The following PAK1 variants were observed in gnomAD, a reference collection of about 807,000 sequenced individuals.
PAK1 encodes the protein p21 (RAC1) activated kinase 1.
PAK1 carries 29 observed loss-of-function variants against 67.4 expected under a neutral mutation model. That is an observed-to-expected ratio of 0.43 (90% CI 0.32 to 0.59). The LOEUF (loss-of-function observed/expected upper bound fraction) is 0.59. Ranked by LOEUF, PAK1 falls within the 20% of genes least tolerant of loss-of-function variation. PAK1 has a pLI of 0.07. For missense variants in PAK1, 337 were observed against 670.7 expected, an observed-to-expected ratio of 0.50 and a Z score of 5.50; for synonymous variants, 223 against 237.4, an observed-to-expected ratio of 0.94 and a Z score of 0.56.
chr11:77,411,827 C>T (rs1451078515), intron 1 of PAK1: 1 of 152,380 alleles, frequency 6.6e-6, no homozygotes, highest in Non-Finnish European at 1.5e-5. Context: ...GTCGCAGAGC[C>T]GCACCTCTCC....
intron 4 of PAK1, among the ~76,000 whole-genome samples, chr11:77,376,034 T>A (rs1187749031): frequency 6.6e-6 from 1 of 152,204 alleles, no homozygotes; most frequent in African/African-American, 2.4e-5. Flanking sequence ...CAGGATATAC[T>A]TTAAACATAA....
intron 1 of PAK1, among the ~76,000 whole-genome samples, chr11:77,400,227 A>C (rs1055393689): frequency 2.0e-5 from 3 of 152,162 alleles, no homozygotes; most frequent in Non-Finnish European, 2.9e-5. Flanking sequence ...AGAATAACAT[A>C]AATGTGAGAG....
At chr11:77,509,685 G>A in the PAK1 span, among the ~76,000 whole-genome samples, 1 of 152,184 alleles carries the variant, frequency 6.6e-6, no homozygotes, top group African/African-American at 2.4e-5. Flanking sequence ...CGCTGTCTTT[G>A]TGATCGTGAA....
chr11:77,378,998 C>G (rs1394978946), intron 4 of PAK1, among the ~76,000 whole-genome samples: 1 of 152,120 alleles, frequency 6.6e-6, no homozygotes, highest in East Asian at 1.9e-4. Context: ...AGCATAAAAC[C>G]TGTGTTCTCT....
chr11:77,403,334 A>G (rs937762542), intron 1 of PAK1, among the ~76,000 whole-genome samples: 4 of 152,288 alleles, frequency 2.6e-5, no homozygotes, highest in African/African-American at 9.6e-5. Flanking sequence ...TGACTTCAAC[A>G]GCCACAATGA....
chr11:77,342,974 A>G (rs1943856291), intron 10 of PAK1, among the ~76,000 whole-genome samples: 1 of 151,958 alleles, frequency 6.6e-6, no homozygotes, highest in African/African-American at 2.4e-5. Flanking sequence ...AATTCAAAAC[A>G]CTGCTTTGCT....
intron 5 of PAK1, among the ~76,000 whole-genome samples, chr11:77,362,307 A>C (rs1260879916): frequency 6.6e-6 from 1 of 152,198 alleles, no homozygotes; most frequent in Non-Finnish European, 1.5e-5. Context: ...TTGTTCTTCT[A>C]GTGACAGATC....
intron 1 of PAK1, among the ~76,000 whole-genome samples, chr11:77,444,652 TG>T (rs1353425737): frequency 6.6e-6 from 1 of 152,224 alleles, no homozygotes; most frequent in African/African-American, 2.4e-5. Context: ...AACATCTTAA[TG>T]GTCATGACTA....
upstream of PAK1, among the ~76,000 whole-genome samples, chr11:77,478,358 C>T (rs915346221): frequency 1.3e-5 from 2 of 152,188 alleles, no homozygotes; most frequent in Non-Finnish European, 2.9e-5. Flanking sequence ...GTTCTTTGAG[C>T]TCTTCCTTGC....
intron 14 of PAK1, among the ~76,000 whole-genome samples, chr11:77,324,776 CAGAG>C (rs749691736): frequency 4.7e-5 from 6 of 126,822 alleles, no homozygotes; most frequent in East Asian, 3.4e-4. Context: ...CACACACACA[CAGAG>C]AGAGAGAGAG....
intron 1 of PAK1, among the ~76,000 whole-genome samples, chr11:77,409,653 G>A (rs1489611916): frequency 2.6e-5 from 4 of 151,764 alleles, no homozygotes; most frequent in Non-Finnish European, 5.9e-5. Flanking sequence ...GATGACACTG[G>A]ATACCATTTT....
At chr11:77,444,691 C>T (rs1592499384) in intron 1 of PAK1, among the ~76,000 whole-genome samples, 2 of 152,296 alleles carry the variant, frequency 1.3e-5, no homozygotes, top group Admixed American at 1.3e-4. Context: ...AACAAAATTG[C>T]TTCTAGAAAA....
chr11:77,348,391 G>T (rs1316393208), intron 9 of PAK1, among the ~76,000 whole-genome samples: 1 of 152,152 alleles, frequency 6.6e-6, no homozygotes, highest in Non-Finnish European at 1.5e-5. Context: ...TTCTTCTACT[G>T]AATATAAGAC....
At chr11:77,326,558 G>A (rs557601730) in intron 14 of PAK1, among the ~76,000 whole-genome samples, 1 of 152,120 alleles carries the variant, frequency 6.6e-6, no homozygotes, top group East Asian at 1.9e-4. Context: ...GGTGGTGCAC[G>A]CCTATAGTCC....
chr11:77,362,549 C>T (rs747598746), intron 5 of PAK1, among the ~76,000 whole-genome samples: 2 of 152,170 alleles, frequency 1.3e-5, no homozygotes, highest in Non-Finnish European at 2.9e-5. Flanking sequence ...GATCAAATCA[C>T]GCCTTTATCA....
At chr11:77,378,253 G>A (rs1011764616) in intron 4 of PAK1, among the ~76,000 whole-genome samples, 5 of 152,170 alleles carry the variant, frequency 3.3e-5, no homozygotes. Context: ...TGTGGAAGGA[G>A]AGCCTCCAAA....
At chr11:77,388,588 C>T (rs1248700516) in intron 2 of PAK1, among the ~76,000 whole-genome samples, 3 of 152,184 alleles carry the variant, frequency 2.0e-5, no homozygotes, top group South Asian at 2.1e-4. Flanking sequence ...CTCCTGACCT[C>T]GTGATCCACC....
the PAK1 span, among the ~76,000 whole-genome samples, chr11:77,480,215 A>G: frequency 3.5e-4 from 53 of 152,054 alleles, no homozygotes; most frequent in Admixed American, 3.5e-3. Context: ...TCCCCCACAT[A>G]GCTGCATATC....
rs377628210 is a variant in PAK1, at chr11:77,394,663, G to A, written c.-21-2122C>T. On this transcript the variant is annotated intron_variant, in intron 1 of 14. Coordinates refer to ENST00000356341, the MANE Select transcript of PAK1 (RefSeq NM_002576.5). ...AGATTGAGACCATCCTGGCCAATAT[G>A]GTGAAACCCCATCTCTACTAAAATG... 1.2e-4 allele frequency among the ~76,000 whole-genome samples: 18 copies of A among 152,188 alleles called. No homozygotes were observed. In the East Asian group the frequency reaches 3.1e-3, roughly 26 times the overall value.
Sources: allele counts gnomAD v4.1 joint callset (sites outside exome capture counted in the v4.1 genomes callset), GRCh38; gene constraint gnomAD v4.1.1; transcripts MANE v1.5; gene names NCBI Gene and HGNC (gene_info 2026-07-23, HGNC 2026-07-21).